The following UNC13C variants were observed in gnomAD, a reference collection of about 807,000 sequenced individuals.
UNC13C encodes unc-13 homolog C.
UNC13C carries 174 observed loss-of-function variants against 245.4 expected under a neutral mutation model. That is an observed-to-expected ratio of 0.71 (90% CI 0.63 to 0.80). The LOEUF (loss-of-function observed/expected upper bound fraction) is 0.80. UNC13C is among the 30% of genes least tolerant of loss of function. UNC13C has a pLI of 0.00. For synonymous variants in UNC13C, 992 were observed against 895.1 expected, an observed-to-expected ratio of 1.11 and a Z score of -1.93; for missense variants, 2,829 against 2,602.9, an observed-to-expected ratio of 1.09 and a Z score of -1.89.
chr15:54,564,913 A>G (rs1201535960), intron 29 of UNC13C, among the ~76,000 whole-genome samples: 2 of 151,956 alleles, frequency 1.3e-5, no homozygotes, highest in Admixed American at 6.6e-5. Flanking sequence ...TTTTAAAACT[A>G]TGTCTGAATT....
At position 54,305,541 on chromosome 15, in the gene UNC13C, T is replaced by A. The variant is rs796752894; in HGVS notation, c.4268+5168T>A. ...ACTGTTTATGAATAAATCTATCTTT[T>A]AATTTAAACCGGTTGACTAATGAAT... On this transcript the variant is annotated intron_variant, in intron 13 of 32. Coordinates refer to ENST00000260323, the MANE Select transcript of UNC13C (RefSeq NM_001080534.3). Among the ~76,000 whole-genome samples, 47 of 152,228 alleles carry A rather than the reference T, an allele frequency of 3.1e-4. 1 individual carries two copies. The highest frequency in any genetic ancestry group is 1.1e-3 in the African/African-American group (46 of 41,564).
chr15:54,394,280 G>C (rs2040024408), intron 18 of UNC13C, among the ~76,000 whole-genome samples: 1 of 151,582 alleles, frequency 6.6e-6, no homozygotes, highest in Non-Finnish European at 1.5e-5. Flanking sequence ...CCTATTTTTG[G>C]TATACAATCA....
intron 14 of UNC13C, among the ~76,000 whole-genome samples, chr15:54,325,847 A>G (rs2038286589): frequency 6.6e-6 from 1 of 152,058 alleles, no homozygotes; most frequent in Non-Finnish European, 1.5e-5. Context: ...AAGGGTAAGA[A>G]GGTTTTTCCA....
chr15:54,280,683 CATATATAAACATATGTATACATACATAT>C (rs1567156666), intron 10 of UNC13C, among the ~76,000 whole-genome samples: 1 of 90,480 alleles, frequency 1.1e-5, no homozygotes. Flanking sequence ...TACATATATA[CATATATAAACATATGTATACATACATAT>C]ATACATATAT....
At chr15:54,178,776 ATCTGGGGG>A in intron 4 of UNC13C, among the ~76,000 whole-genome samples, 1 of 152,250 alleles carries the variant, frequency 6.6e-6, no homozygotes, top group East Asian at 1.9e-4. Context: ...TATTTGCCAA[ATCTGGGGG>A]TCATGCTGAA....
chr15:53,906,416 T>G, the UNC13C span, among the ~76,000 whole-genome samples: 1 of 152,230 alleles, frequency 6.6e-6, no homozygotes, highest in Non-Finnish European at 1.5e-5. Context: ...GCCTGTGATT[T>G]CCACAAAATT....
intron 2 of UNC13C, among the ~76,000 whole-genome samples, chr15:54,078,905 T>G (rs899537877): frequency 6.6e-6 from 1 of 152,172 alleles, no homozygotes; most frequent in African/African-American, 2.4e-5. Flanking sequence ...TCCAGAAGAG[T>G]TTCTCCTAGA....
At chr15:54,427,168 C>A (rs1567262805) in intron 19 of UNC13C, among the ~76,000 whole-genome samples, 1 of 151,720 alleles carries the variant, frequency 6.6e-6, no homozygotes, top group Non-Finnish European at 1.5e-5. Flanking sequence ...TTGGCTGTGT[C>A]CCCACTGAAA....
chr15:54,060,952 C>G (rs1020085954), intron 2 of UNC13C, among the ~76,000 whole-genome samples: 4 of 151,912 alleles, frequency 2.6e-5, no homozygotes, highest in Non-Finnish European at 4.4e-5. Flanking sequence ...GAACATCACA[C>G]ACCGGGGACT....
intron 19 of UNC13C, among the ~76,000 whole-genome samples, chr15:54,462,205 T>C (rs925475628): frequency 2.0e-5 from 3 of 152,178 alleles, no homozygotes; most frequent in African/African-American, 7.2e-5. Context: ...AAACTCATAA[T>C]AAAAAGAAAA....
chr15:54,427,169 C>T (rs936094624), intron 19 of UNC13C, among the ~76,000 whole-genome samples: 1 of 151,630 alleles, frequency 6.6e-6, no homozygotes, highest in Admixed American at 6.6e-5. Context: ...TGGCTGTGTC[C>T]CCACTGAAAC....
At chr15:54,579,848 T>G (rs894209896) in intron 30 of UNC13C, among the ~76,000 whole-genome samples, 1 of 152,216 alleles carries the variant, frequency 6.6e-6, no homozygotes, top group Non-Finnish European at 1.5e-5. Flanking sequence ...GGGACCCACA[T>G]GTTATTGTAT....
At chr15:54,039,722 C>T (rs1896733489) in intron 2 of UNC13C, among the ~76,000 whole-genome samples, 1 of 152,112 alleles carries the variant, frequency 6.6e-6, no homozygotes, top group Non-Finnish European at 1.5e-5. Flanking sequence ...CTAGTATGAA[C>T]TTCCCTCCTA....
At chr15:54,056,335 C>T (rs1487603632) in intron 2 of UNC13C, among the ~76,000 whole-genome samples, 1 of 151,920 alleles carries the variant, frequency 6.6e-6, no homozygotes, top group African/African-American at 2.4e-5. Flanking sequence ...GTAACCGATG[C>T]GATCAACTGG....
chr15:54,223,432 T>G (rs2035285947), intron 4 of UNC13C, among the ~76,000 whole-genome samples: 1 of 152,152 alleles, frequency 6.6e-6, no homozygotes, highest in African/African-American at 2.4e-5. Flanking sequence ...GGGTTCTCTA[T>G]TCTGTTTCAT....
At chr15:54,042,715 T>C (rs1363312643) in intron 2 of UNC13C, among the ~76,000 whole-genome samples, 7 of 152,026 alleles carry the variant, frequency 4.6e-5, no homozygotes, top group African/African-American at 1.2e-4. Flanking sequence ...TAGCCGGGCA[T>C]GGTGGTGGGT....
chr15:53,853,855 T>A, the UNC13C span, among the ~76,000 whole-genome samples: 1 of 152,206 alleles, frequency 6.6e-6, no homozygotes, highest in Non-Finnish European at 1.5e-5. Context: ...GTTTTTTTCT[T>A]GTAAATTTGT....
intron 30 of UNC13C, among the ~76,000 whole-genome samples, chr15:54,599,553 T>C (rs1899289363): frequency 6.6e-6 from 1 of 152,096 alleles, no homozygotes; most frequent in African/African-American, 2.4e-5. Context: ...GTAAGATTTT[T>C]CCAACGATAT....
At chr15:54,236,998 G>A (rs576052433) in intron 6 of UNC13C, among the ~76,000 whole-genome samples, 5 of 152,202 alleles carry the variant, frequency 3.3e-5, no homozygotes, top group East Asian at 3.9e-4. Context: ...GATAGTGGTG[G>A]TTATGGTTCT....
Sources: allele counts gnomAD v4.1 joint callset (sites outside exome capture counted in the v4.1 genomes callset), GRCh38; gene constraint gnomAD v4.1.1; transcripts MANE v1.5; gene names NCBI Gene and HGNC (gene_info 2026-07-23, HGNC 2026-07-21).